The following RABGEF1 variants were observed in gnomAD, a reference collection of about 807,000 sequenced individuals.
RABGEF1 encodes the protein rab5 GDP/GTP exchange factor.
A neutral mutation model predicts 57.3 loss-of-function variants in RABGEF1; 26 were observed. The ratio of observed to expected loss-of-function variants is 0.45; its 90% confidence interval spans 0.33 to 0.63. RABGEF1 has a LOEUF of 0.63. Among genes scored for constraint, RABGEF1 ranks in the 20% least tolerant of loss-of-function variants. RABGEF1 has a pLI of 0.02. For missense variants in RABGEF1, 464 were observed against 607.6 expected, an observed-to-expected ratio of 0.76 and a Z score of 2.48; for synonymous variants, 185 against 210.7, an observed-to-expected ratio of 0.88 and a Z score of 1.06.
chr7:66,715,294 AT>A (rs1195204558), intron 2 of RABGEF1, among the ~76,000 whole-genome samples: 4 of 152,082 alleles, frequency 2.6e-5, no homozygotes, highest in African/African-American at 9.7e-5. Flanking sequence ...TACCAGGCTA[AT>A]TTTTAAAAAA....
chr7:66,779,670 T>TAA (rs373692116), intron 3 of RABGEF1, among the ~76,000 whole-genome samples: 1,761 of 124,132 alleles, frequency 0.014, 35 homozygotes, highest in African/African-American at 0.049. Context: ...AGACCCTGAT[T>TAA]AAAAAAAAAA....
At chr7:66,797,235 TG>T in intron 5 of RABGEF1, 138 bp from the exon 6 acceptor site, 1 of 787,436 alleles carries the variant, frequency 1.3e-6, no homozygotes, top group Non-Finnish European at 1.9e-6. Context: ...GCCCAGGAGG[TG>T]GAGGTTTCAG....
At chr7:66,712,429 C>T (rs1162872239) in intron 2 of RABGEF1, among the ~76,000 whole-genome samples, 1 of 152,202 alleles carries the variant, frequency 6.6e-6, no homozygotes, top group Non-Finnish European at 1.5e-5. Context: ...GCAACCTTTA[C>T]AAACTTATTT....
At chr7:66,658,310 A>G in the RABGEF1 span, among the ~76,000 whole-genome samples, 3 of 152,296 alleles carry the variant, frequency 2.0e-5, no homozygotes, top group Non-Finnish European at 4.4e-5. Flanking sequence ...AGGTAGGCGG[A>G]TCACCTGAGA....
intron 4 of RABGEF1, 143 bp from the exon 5 acceptor site, chr7:66,795,368 C>G (rs150851279): frequency 3.0e-6 from 2 of 666,036 alleles, no homozygotes; most frequent in Non-Finnish European, 5.4e-6. Context: ...AGGTTTTACT[C>G]TCCTGCAGGA....
At chr7:66,706,683 G>C (rs994595404) in intron 1 of RABGEF1, among the ~76,000 whole-genome samples, 5 of 151,568 alleles carry the variant, frequency 3.3e-5, no homozygotes, top group African/African-American at 1.2e-4. Flanking sequence ...CAAAGTGCTA[G>C]GATTACAGGT....
At chr7:66,795,421 A>G in intron 4 of RABGEF1, 90 bp from the exon 5 acceptor site, 1 of 1,086,746 alleles carries the variant, frequency 9.2e-7, no homozygotes, top group Non-Finnish European at 1.4e-6. Flanking sequence ...TACCAGTACA[A>G]GGAATGGCTT....
intron 1 of RABGEF1, among the ~76,000 whole-genome samples, chr7:66,745,661 C>T (rs182107587): frequency 1.3e-5 from 2 of 151,362 alleles, no homozygotes; most frequent in Non-Finnish European, 2.9e-5. Context: ...CTCAGCTACT[C>T]GGGAGTCTGA....
At chr7:66,796,704 G>T in intron 5 of RABGEF1, 1 of 287,848 alleles carries the variant, frequency 3.5e-6, no homozygotes, top group South Asian at 2.7e-5. Context: ...TGATTCTCCT[G>T]TCTCAGCCCC....
At chr7:66,745,454 C>A (rs1262127477) in intron 1 of RABGEF1, among the ~76,000 whole-genome samples, 1 of 152,022 alleles carries the variant, frequency 6.6e-6, no homozygotes, top group Non-Finnish European at 1.5e-5. Flanking sequence ...TGAGTGGCTT[C>A]TTAGCCCATC....
At chr7:66,658,861 G>A in the RABGEF1 span, among the ~76,000 whole-genome samples, 8 of 151,992 alleles carry the variant, frequency 5.3e-5, no homozygotes, top group East Asian at 1.6e-3. Flanking sequence ...TCAGCCTCCC[G>A]AGTAGCTGGG....
At chr7:66,750,721 C>T (rs1458386842) in intron 1 of RABGEF1, among the ~76,000 whole-genome samples, 1 of 152,186 alleles carries the variant, frequency 6.6e-6, no homozygotes, top group African/African-American at 2.4e-5. Flanking sequence ...AAAAACTGAT[C>T]AGCCAGTTGG....
At chr7:66,665,419 CAG>C in the RABGEF1 span, 7 of 152,064 alleles carry the variant, frequency 4.6e-5, no homozygotes, top group African/African-American at 1.7e-4. Context: ...ACTGGGATGA[CAG>C]ACGTGAGCCA....
chr7:66,703,554 T>G (rs1280637030), intron 1 of RABGEF1, among the ~76,000 whole-genome samples: 2 of 152,234 alleles, frequency 1.3e-5, no homozygotes, highest in Admixed American at 6.5e-5. Context: ...TTGAAGAGAC[T>G]ATTCTTTCCC....
At chr7:66,683,485 C>G (rs1386333806) in intron 1 of RABGEF1, among the ~76,000 whole-genome samples, 4 of 152,076 alleles carry the variant, frequency 2.6e-5, no homozygotes, top group Non-Finnish European at 5.9e-5. Flanking sequence ...TAGAAGTTAG[C>G]CAGTTGAGGA....
At chr7:66,690,347 C>T (rs1791338969) in intron 1 of RABGEF1, among the ~76,000 whole-genome samples, 1 of 150,890 alleles carries the variant, frequency 6.6e-6, no homozygotes, top group Non-Finnish European at 1.5e-5. Flanking sequence ...GATCCACCTG[C>T]CTTGGCCTCC....
At chr7:66,706,310 C>G (rs1794082412) in intron 1 of RABGEF1, among the ~76,000 whole-genome samples, 2 of 152,050 alleles carry the variant, frequency 1.3e-5, no homozygotes, top group Admixed American at 6.6e-5. Flanking sequence ...TGAACATATA[C>G]TTTCATTTCT....
At chr7:66,696,706 A>AG (rs1452521878) in intron 1 of RABGEF1, among the ~76,000 whole-genome samples, 1 of 151,512 alleles carries the variant, frequency 6.6e-6, no homozygotes, top group Non-Finnish European at 1.5e-5. Flanking sequence ...AAAAAAAAAA[A>AG]AAAAAAGAAA....
chr7:66,711,813 C>G (rs1438716502), intron 1 of RABGEF1, among the ~76,000 whole-genome samples: 1 of 152,082 alleles, frequency 6.6e-6, no homozygotes, highest in African/African-American at 2.4e-5. Context: ...GTCTTGATCT[C>G]CTGACCTCAT....
Sources: gnomAD v4.1 joint callset for allele counts (sites outside exome capture counted in the v4.1 genomes callset) on GRCh38, gnomAD v4.1.1 for gene constraint, MANE v1.5 for transcripts, NCBI Gene and HGNC (gene_info 2026-07-23, HGNC 2026-07-21) for gene names.